Variants in CCDC146 observed in about 807,000 individuals in gnomAD.
CCDC146 encodes the protein coiled-coil domain-containing protein 146.
In CCDC146, 92 loss-of-function variants were observed where a neutral mutation model predicts 119.3. The observed-to-expected ratio is 0.77, with a 90% confidence interval of 0.65 to 0.92. The LOEUF (loss-of-function observed/expected upper bound fraction) is 0.92, where lower values mean the gene tolerates loss of function less well. Ranked by LOEUF, CCDC146 falls within the 40% of genes least tolerant of loss-of-function variation. The probability of loss-of-function intolerance (pLI) is 0.00; values close to 1 mark genes in which losing one functional copy is unlikely to be tolerated. For missense variants in CCDC146, 1,000 were observed against 1,103.0 expected (o/e 0.91, Z 1.32); for synonymous variants, 372 against 371.8 (o/e 1.00, Z -0.01).
intron 1 of CCDC146, among the ~76,000 whole-genome samples, chr7:77,140,757 T>G: frequency 1.3e-5 from 2 of 152,140 alleles, no homozygotes; most frequent in Non-Finnish European, 2.9e-5. Flanking sequence ...AAATACCATA[T>G]TTAAGGAAAA....
intron 2 of CCDC146, chr7:77,199,588 G>A (rs763885426): frequency 3.1e-6 from 5 of 1,614,090 alleles, no homozygotes; most frequent in East Asian, 2.2e-5. Flanking sequence ...GAATTGCTTC[G>A]GGAGCTGAAT....
At chr7:77,124,204 T>C (rs2117378825) in intron 1 of CCDC146, among the ~76,000 whole-genome samples, 1 of 152,338 alleles carries the variant, frequency 6.6e-6, no homozygotes. Flanking sequence ...TAATCATTAT[T>C]TTACTTTTTC....
intron 2 of CCDC146, among the ~76,000 whole-genome samples, chr7:77,208,140 A>C (rs966902940): frequency 6.6e-6 from 1 of 152,178 alleles, no homozygotes; most frequent in Non-Finnish European, 1.5e-5. Flanking sequence ...GAACCCCTCA[A>C]TTCCCTTTCA....
At chr7:77,170,995 A>G (rs549691035) in intron 2 of CCDC146, among the ~76,000 whole-genome samples, 48 of 152,342 alleles carry the variant, frequency 3.2e-4, no homozygotes, top group African/African-American at 1.2e-3. Context: ...CTCTAATCTT[A>G]ATATTTTAAG....
intron 1 of CCDC146, among the ~76,000 whole-genome samples, chr7:77,164,517 T>C (rs1450993627): frequency 1.3e-5 from 2 of 152,176 alleles, no homozygotes; most frequent in Admixed American, 1.3e-4. Context: ...AATCAGATAT[T>C]TGGAGCCTCC....
intron 2 of CCDC146, chr7:77,199,990 G>GA: frequency 1.8e-6 from 1 of 552,622 alleles, no homozygotes; most frequent in Non-Finnish European, 3.2e-6. Flanking sequence ...ACTCTCAATA[G>GA]AAATAATATG....
At chr7:77,177,565 T>A (rs140472931) in intron 2 of CCDC146, among the ~76,000 whole-genome samples, 1,655 of 152,326 alleles carry the variant, frequency 0.011, 35 homozygotes, top group African/African-American at 0.038. Flanking sequence ...CATTCACACA[T>A]TTAAACACTG....
At chr7:77,247,031 A>G (rs1240438929) in intron 4 of CCDC146, among the ~76,000 whole-genome samples, 1 of 152,232 alleles carries the variant, frequency 6.6e-6, no homozygotes, top group South Asian at 2.1e-4. Context: ...TATTTTAATT[A>G]AATGTTAGGT....
intron 2 of CCDC146, among the ~76,000 whole-genome samples, chr7:77,177,220 A>G (rs1791513939): frequency 6.6e-6 from 1 of 152,088 alleles, no homozygotes; most frequent in South Asian, 2.1e-4. Flanking sequence ...TGGACCTTCT[A>G]TAGAGTTACT....
chr7:77,125,142 C>T (rs937723269), intron 1 of CCDC146, among the ~76,000 whole-genome samples: 15 of 151,600 alleles, frequency 9.9e-5, no homozygotes, highest in East Asian at 1.9e-4. Flanking sequence ...TGCAGTGAGC[C>T]GAGATCACAC....
At chr7:77,221,027 G>C (rs977334781) in intron 2 of CCDC146, among the ~76,000 whole-genome samples, 3 of 152,216 alleles carry the variant, frequency 2.0e-5, no homozygotes, top group Non-Finnish European at 4.4e-5. Flanking sequence ...AGCAGGAGCA[G>C]GCATCTTACC....
intron 1 of CCDC146, among the ~76,000 whole-genome samples, chr7:77,165,132 C>G (rs1311625206): frequency 6.6e-6 from 1 of 152,134 alleles, no homozygotes; most frequent in African/African-American, 2.4e-5. Flanking sequence ...CCAAAGTGGA[C>G]CAATGGAGCC....
chr7:77,156,120 C>T (rs1791175946), intron 1 of CCDC146, among the ~76,000 whole-genome samples: 1 of 152,090 alleles, frequency 6.6e-6, no homozygotes, highest in Non-Finnish European at 1.5e-5. Flanking sequence ...CTTGGGTTCT[C>T]CACCATCATG....
chr7:77,167,609 T>C (rs1403617254), intron 1 of CCDC146, 49 bp from the exon 2 acceptor site: 3 of 1,296,746 alleles, frequency 2.3e-6, no homozygotes, highest in Non-Finnish European at 3.0e-6. Flanking sequence ...TTTTACTTTA[T>C]AAGTGAAGAC....
intron 6 of CCDC146, 136 bp downstream of exon 6, chr7:77,256,645 C>T (rs1793184528): frequency 1.5e-6 from 1 of 675,046 alleles, no homozygotes; most frequent in Admixed American, 3.4e-5. Context: ...TGCGATTGAT[C>T]CTATCAAACT....
At chr7:77,125,884 G>A (rs1430340433) in intron 1 of CCDC146, among the ~76,000 whole-genome samples, 1 of 152,008 alleles carries the variant, frequency 6.6e-6, no homozygotes, top group Non-Finnish European at 1.5e-5. Flanking sequence ...AATATATATA[G>A]GTACTAATTC....
In CCDC146 at chr7:77,191,631, T is replaced by G. The variant is rs530250621; in HGVS notation, c.156+23807T>G. Among the ~76,000 whole-genome samples the G allele has an allele frequency of 9.3e-4, 141 of 152,242 alleles. 1 individual carries two copies. Among genetic ancestry groups the G allele is most frequent in the South Asian group, 7.0e-3 (34 of 4,828 alleles). Reference sequence around the variant, plus strand: ...CTATAAGAGATAACTATTTAGGGCCTGGCGCAGTGGCTCACGCCTGTAATC... The same window carrying G: ...CTATAAGAGATAACTATTTAGGGCCGGGCGCAGTGGCTCACGCCTGTAATC... On this transcript the variant is annotated intron_variant, in intron 2 of 18. Transcript: ENST00000285871.
chr7:77,186,705 G>A (rs11979238), intron 2 of CCDC146, among the ~76,000 whole-genome samples: 17,087 of 152,200 alleles, frequency 0.11, 1,241 homozygotes, highest in Non-Finnish European at 0.17. Flanking sequence ...TACATTTAAA[G>A]GAGTTTAATT....
chr7:77,215,366 T>G (rs1792284790), intron 2 of CCDC146, among the ~76,000 whole-genome samples: 1 of 152,150 alleles, frequency 6.6e-6, no homozygotes, highest in South Asian at 2.1e-4. Context: ...GTAGATTTTT[T>G]GCTTTTCTGA....
Sources: allele counts gnomAD v4.1 joint callset (sites outside exome capture counted in the v4.1 genomes callset), GRCh38; gene constraint gnomAD v4.1.1; transcripts MANE v1.5; gene names NCBI Gene and HGNC (gene_info 2026-07-23, HGNC 2026-07-21).